Variants in ABHD2 observed in about 807,000 individuals in gnomAD.
ABHD2 encodes abhydrolase domain containing 2, acylglycerol lipase.
A neutral mutation model predicts 48.1 loss-of-function variants in ABHD2; 20 were observed. The ratio of observed to expected loss-of-function variants is 0.42; its 90% CI spans 0.29 to 0.60. The LOEUF is 0.60. Ranked by LOEUF, ABHD2 falls within the 20% of genes least tolerant of loss-of-function variation. ABHD2 has a pLI of 0.24. For missense variants in ABHD2, 405 were observed against 550.9 expected, an observed-to-expected ratio of 0.74 and a Z score of 2.65; for synonymous variants, 209 against 214.2, an observed-to-expected ratio of 0.98 and a Z score of 0.21.
At position 89,189,257 on chromosome 15, in the gene ABHD2, G is replaced by A. The variant is rs1232516560; in HGVS notation, c.926+954G>A. ...TCCAGCACTTGGGGAGGCTGAGGCTGGAGGATCACATGAGGCAAGGAGTTT... is the reference window on the plus strand; with the variant it reads ...TCCAGCACTTGGGGAGGCTGAGGCTAGAGGATCACATGAGGCAAGGAGTTT... On this transcript the variant is annotated intron_variant, in intron 8 of 10. Coordinates refer to ENST00000352732, the MANE Select transcript of ABHD2 (RefSeq NM_152924.5). This position sits in a 1 kb window ranked among gnomAD's most constrained non-coding sequence, Gnocchi z 4.9. Among the ~76,000 whole-genome samples the A allele has an allele frequency of 6.6e-6, 1 of 152,216 alleles. No individual in the cohort carries two copies. The highest frequency in any genetic ancestry group is 1.5e-5 in the Non-Finnish European group (1 of 68,038).
chr15:89,060,178 T>C, the ABHD2 span, among the ~76,000 whole-genome samples: 2 of 142,706 alleles, frequency 1.4e-5, no homozygotes, highest in East Asian at 4.4e-4. Flanking sequence ...GCAACGTCCA[T>C]CTCCTAGGTA....
At chr15:89,191,956 T>A (rs1316912948) in intron 9 of ABHD2, among the ~76,000 whole-genome samples, 1 of 152,216 alleles carries the variant, frequency 6.6e-6, no homozygotes, top group African/African-American at 2.4e-5. Context: ...TAGACTTGTT[T>A]GTATTAATGC....
the ABHD2 span, among the ~76,000 whole-genome samples, chr15:89,062,967 C>CTT: frequency 4.8e-3 from 625 of 129,358 alleles, 5 homozygotes; most frequent in African/African-American, 0.017. Flanking sequence ...ATTGCTGCTG[C>CTT]TTTTTTTTTT....
the ABHD2 span, among the ~76,000 whole-genome samples, chr15:89,042,855 G>GTAAGGTTTCACTGTGTT: frequency 6.6e-6 from 1 of 151,486 alleles, no homozygotes; most frequent in Non-Finnish European, 1.5e-5. Context: ...TTTAGTAGAG[G>GTAAGGTTTCACTGTGTT]TAAGGTTTCA....
chr15:89,054,282 G>A, the ABHD2 span, among the ~76,000 whole-genome samples: 7 of 149,352 alleles, frequency 4.7e-5, no homozygotes, highest in South Asian at 6.3e-4. Flanking sequence ...AGATAGCACC[G>A]CTACACTCCA....
At chr15:89,157,645 C>A (rs529416006) in intron 5 of ABHD2, among the ~76,000 whole-genome samples, 6 of 152,162 alleles carry the variant, frequency 3.9e-5, no homozygotes, top group Admixed American at 3.9e-4. Flanking sequence ...AGATGGAGAC[C>A]ATCCTGGCTA....
intron 8 of ABHD2, 56 bp from the exon 9 acceptor site, chr15:89,191,024 T>C: frequency 6.4e-7 from 1 of 1,571,172 alleles, no homozygotes; most frequent in Non-Finnish European, 8.7e-7. Flanking sequence ...AGCATTCTGA[T>C]CTTAAAGACC....
In ABHD2 at chr15:89,200,065, C is replaced by G. The variant is rs943511010; in HGVS notation, c.*4642C>G. ...AGCTGCTCCTTTTGGAAGAGTCAGTCCCCTGTGTTTTCTGAACTGTTTTTC... is the reference window on the plus strand; with the variant it reads ...AGCTGCTCCTTTTGGAAGAGTCAGTGCCCTGTGTTTTCTGAACTGTTTTTC... On this transcript the variant is annotated 3_prime_UTR_variant, in exon 11 of 11. Coordinates refer to ENST00000352732, the MANE Select transcript of ABHD2 (RefSeq NM_152924.5). 2 of 152,302 alleles carry G rather than the reference C, an allele frequency of 1.3e-5. No individual in the cohort carries two copies. The highest frequency in any genetic ancestry group is 1.9e-4 in the East Asian group (1 of 5,202). 9.4% of individuals were successfully genotyped at this position (152,302 alleles called of 1,614,324 possible).
chr15:89,090,942 C>T (rs1460413402), intron 1 of ABHD2, among the ~76,000 whole-genome samples: 1 of 152,214 alleles, frequency 6.6e-6, no homozygotes, highest in Non-Finnish European at 1.5e-5. Flanking sequence ...GCACCAGCAG[C>T]GCCTGCCTGG....
chr15:89,103,719 T>A (rs931656375), intron 1 of ABHD2, among the ~76,000 whole-genome samples: 1 of 152,170 alleles, frequency 6.6e-6, no homozygotes, highest in Non-Finnish European at 1.5e-5. Context: ...ACATCCAGAA[T>A]CCAGAATCTC....
rs114369851 is a variant in ABHD2, at chr15:89,175,015, C to T, written c.539-797C>T. ...TCCCTATGTCACCAAGAACGTTTTACCCTAATCCTACAGAGCATCCTGGCA... is the reference window on the plus strand; with the variant it reads ...TCCCTATGTCACCAAGAACGTTTTATCCTAATCCTACAGAGCATCCTGGCA... On this transcript the variant is annotated intron_variant, in intron 5 of 10. Transcript: ENST00000352732. The surrounding 1 kb of genome is among the most constrained non-coding windows in gnomAD (Gnocchi z 5.7). Among the ~76,000 whole-genome samples, 1,310 of 152,274 alleles carry T rather than the reference C, an allele frequency of 8.6e-3. 17 individuals carry two copies. Among genetic ancestry groups the T allele is most frequent in the African/African-American group, 0.03 (1,263 of 41,536 alleles).
Position 89,182,686 on chromosome 15 carries a change from G to A in ABHD2, c.723-2738G>A, listed in dbSNP as rs376614522. Among the ~76,000 whole-genome samples, 2 of 152,192 alleles carry A rather than the reference G, an allele frequency of 1.3e-5. No homozygotes were observed. The highest frequency in any genetic ancestry group is 2.1e-4 in the South Asian group (1 of 4,826). ...CACACACCTGTAGTCCCAGCTACTC[G>A]GGAGTCTGAAGCAGGAGAATCGCTT... On this transcript the variant is annotated intron_variant, in intron 6 of 10. Coordinates refer to ENST00000352732, the MANE Select transcript of ABHD2 (RefSeq NM_152924.5). The surrounding 1 kb of genome is among the most constrained non-coding windows in gnomAD (Gnocchi z 4.8).
the ABHD2 span, among the ~76,000 whole-genome samples, chr15:89,052,562 C>G: frequency 1.6e-4 from 24 of 150,694 alleles, no homozygotes; most frequent in Admixed American, 1.5e-3. Flanking sequence ...CAGACAGACA[C>G]ACACACACAC....
intron 3 of ABHD2, among the ~76,000 whole-genome samples, chr15:89,139,224 A>ATAAATAAAC (rs2050364967): frequency 6.6e-6 from 1 of 152,116 alleles, no homozygotes; most frequent in Non-Finnish European, 1.5e-5. Context: ...AAATAAGTAA[A>ATAAATAAAC]TAAATAAACT....
Position 89,137,634 on chromosome 15 carries a change from G to A in ABHD2, c.195-14043G>A, listed in dbSNP as rs2050336731. On this transcript the variant is annotated intron_variant, in intron 3 of 10. Transcript: ENST00000352732. This position sits in a 1 kb window ranked among gnomAD's most constrained non-coding sequence, Gnocchi z 4.8. ...AGTCTCTGCATTGGAATTTTCCTGT[G>A]CAGATCCTGCAATTCAGGAATAGAG... Among the ~76,000 whole-genome samples the A allele has an allele frequency of 6.6e-6, 1 of 152,152 alleles. No homozygotes were observed. Among genetic ancestry groups the A allele is most frequent in the African/African-American group, 2.4e-5 (1 of 41,426 alleles).
At chr15:89,073,021 A>T in the ABHD2 span, among the ~76,000 whole-genome samples, 8 of 152,118 alleles carry the variant, frequency 5.3e-5, no homozygotes, top group Non-Finnish European at 4.4e-5. Flanking sequence ...TTTGAGACAT[A>T]CTTATACTAA....
chr15:89,144,797 A>C (rs140455777), intron 3 of ABHD2, among the ~76,000 whole-genome samples: 135 of 152,354 alleles, frequency 8.9e-4, no homozygotes, highest in African/African-American at 3.2e-3. Flanking sequence ...TGAATGTATT[A>C]AATGCTACTG....
At chr15:89,084,685 G>C (rs977832688), upstream of ABHD2, among the ~76,000 whole-genome samples, 24 of 152,198 alleles carry the variant, frequency 1.6e-4, no homozygotes, top group Admixed American at 1.4e-3. The surrounding 1 kb of genome is among the most constrained non-coding windows in gnomAD (Gnocchi z 4.4). Context: ...CTAGAACTTA[G>C]AAAATGAGTG....
At chr15:89,068,003 T>C in the ABHD2 span, among the ~76,000 whole-genome samples, 2 of 152,188 alleles carry the variant, frequency 1.3e-5, no homozygotes, top group African/African-American at 4.8e-5. Context: ...TCCTCTTCTT[T>C]ACCATAGAAG....
Sources: allele counts gnomAD v4.1 joint callset (sites outside exome capture counted in the v4.1 genomes callset), GRCh38; gene constraint gnomAD v4.1.1; non-coding constraint Gnocchi (gnomAD v3.1); transcripts MANE v1.5; gene names NCBI Gene and HGNC (gene_info 2026-07-23, HGNC 2026-07-21).